Variants in ZNF133 observed in about 807,000 individuals in gnomAD.
ZNF133 encodes zinc finger protein 133, also known as zinc finger protein 133 (clone pHZ-13).
Under a neutral mutation model 54.9 loss-of-function variants are expected in ZNF133, and 26 were observed. That is an observed-to-expected ratio of 0.47 (90% CI 0.35 to 0.66). The LOEUF is 0.66. Ranked by LOEUF, ZNF133 falls within the 30% of genes least tolerant of loss-of-function variation. ZNF133 has a pLI of 0.01. For synonymous variants in ZNF133, 298 were observed against 320.3 expected (o/e 0.93, Z 0.74); for missense variants, 653 against 820.8 (o/e 0.80, Z 2.50).
chr20:18,297,645 G>A (rs997700137), intron 1 of ZNF133, among the ~76,000 whole-genome samples: 1 of 151,950 alleles, frequency 6.6e-6, no homozygotes, highest in Non-Finnish European at 1.5e-5. Context: ...TCAGATTCTA[G>A]TGTTTTTGAG....
chr20:18,299,142 G>A (rs1467797676), intron 3 of ZNF133, among the ~76,000 whole-genome samples: 1 of 152,128 alleles, frequency 6.6e-6, no homozygotes, highest in Non-Finnish European at 1.5e-5. Context: ...GCCAGATAGT[G>A]TACTTACTAA....
Position 18,316,485 on chromosome 20 carries a change from C to G in ZNF133, c.1634C>G (p.Ser545Trp), listed in dbSNP as rs779258189. 2 of 1,614,184 alleles carry G rather than the reference C, an allele frequency of 1.2e-6. No individual in the cohort carries two copies. The highest frequency in any genetic ancestry group is 1.1e-5 in the South Asian group (1 of 91,084). Residue 545 changes from serine (S) to tryptophan (W), a missense_variant, in exon 7 of 7, where the codon TCG (serine) becomes TGG (tryptophan). Coordinates refer to ENST00000425686, the MANE Select transcript of ZNF133 (RefSeq NM_001352452.2). ...AGLIRHKRKH[S>W]REKPYMCRQC... is the part of the protein sequence containing the mutation. ...CTCATCAGGCACAAGCGGAAGCACT[C>G]GAGGGAGAAGCCCTACATGTGCAGG...
chr20:18,315,570 A>T lies in ZNF133; in HGVS notation c.719A>T (p.Lys240Met). 1 of 1,614,164 alleles carries T rather than the reference A, an allele frequency of 6.2e-7. No individual in the cohort carries two copies. Among genetic ancestry groups the T allele is most frequent in the Non-Finnish European group, 8.5e-7 (1 of 1,180,010 alleles). Residue 240 changes from lysine to methionine, a missense_variant, in exon 7 of 7, where the codon AAG becomes ATG. Lys to Met is a moderately conservative substitution (Grantham distance 95). Coordinates refer to ENST00000425686, the MANE Select transcript of ZNF133 (RefSeq NM_001352452.2). ...LSHQRIHSGE[K>M]PYVCGVCEKG... ...CACCAGCGGATACACTCAGGGGAGA[A>T]GCCCTACGTGTGTGGGGTATGTGAG...
chr20:18,292,139 AC>A (rs2041191379), intron 1 of ZNF133, among the ~76,000 whole-genome samples: 1 of 152,294 alleles, frequency 6.6e-6, no homozygotes, highest in Middle Eastern at 3.4e-3. Context: ...GGTCCAGGCC[AC>A]CGTCTCATCT....
chr20:18,315,208 T>G lies in ZNF133; in HGVS notation c.357T>G (p.Pro119=). The G allele has an allele frequency of 6.2e-7, 1 of 1,613,944 alleles. No homozygotes were observed. Among genetic ancestry groups the G allele is most frequent in the Non-Finnish European group, 8.5e-7 (1 of 1,179,940 alleles). The change falls in exon 7 of 7, where the codon CCT becomes CCG. Residue 119 remains proline (P), a synonymous_variant. Coordinates refer to ENST00000425686, the MANE Select transcript of ZNF133 (RefSeq NM_001352452.2). ...TGTGTGCAGAAGGTAACATCCAGCC[T>G]GGGGATCCGGGCCCAGGGGACCAGG... ...TCLCAEGNIQ[P]GDPGPGDQEK... is the part of the protein sequence containing the mutation.
intron 6 of ZNF133, chr20:18,306,807 A>G (rs1268729435): frequency 1.4e-6 from 1 of 721,778 alleles, no homozygotes; most frequent in Admixed American, 6.2e-5. Context: ...ATGGAATTCT[A>G]AAAAAAACTG....
At chr20:18,310,238 A>G in intron 6 of ZNF133, 1 of 1,527,814 alleles carries the variant, frequency 6.5e-7, no homozygotes, top group Non-Finnish European at 8.7e-7. Flanking sequence ...GGAGCAAGTC[A>G]TTGTGGTTGC....
intron 1 of ZNF133, among the ~76,000 whole-genome samples, chr20:18,290,516 T>G (rs2040702474): frequency 6.6e-6 from 1 of 152,202 alleles, no homozygotes. Flanking sequence ...TGTTATACAG[T>G]TACATTGTTA....
At chr20:18,303,707 A>G (rs2043929077) in intron 3 of ZNF133, among the ~76,000 whole-genome samples, 1 of 152,218 alleles carries the variant, frequency 6.6e-6, no homozygotes, top group East Asian at 1.9e-4. Context: ...GACTATACTC[A>G]ACAAACGCTA....
intron 3 of ZNF133, among the ~76,000 whole-genome samples, chr20:18,302,662 C>T (rs371603989): frequency 5.3e-5 from 8 of 152,180 alleles, no homozygotes; most frequent in African/African-American, 1.9e-4. Flanking sequence ...CCACTTATAG[C>T]CAACAGAGTA....
chr20:18,316,518 G>A lies in ZNF133; in HGVS notation c.1667G>A (p.Gly556Glu), dbSNP rs1034941240. The part of the protein sequence containing the change: ...REKPYMCRQC[G>E]LGFGNKSALI... The stretch of plus-strand genomic sequence containing the variant: ...AAGCCCTACATGTGCAGGCAGTGTG[G>A]ACTGGGCTTTGGCAATAAGTCAGCT... Residue 556 changes from glycine (G) to glutamate (E), a missense_variant, in exon 7 of 7, where the codon GGA (glycine) becomes GAA (glutamate). Gly to Glu is a moderately conservative substitution (Grantham distance 98). This residue lies in a region of ZNF133 where 129 missense variants were observed against 138.5 expected (regional missense o/e 0.93). Transcript: ENST00000425686. The A allele has an allele frequency of 5.0e-6, 8 of 1,613,946 alleles. No individual in the cohort carries two copies. The highest frequency in any genetic ancestry group is 6.8e-6 in the Non-Finnish European group (8 of 1,179,914).
chr20:18,310,860 A>G (rs1011152352), intron 6 of ZNF133, among the ~76,000 whole-genome samples: 5 of 152,232 alleles, frequency 3.3e-5, no homozygotes, highest in Non-Finnish European at 5.9e-5. Flanking sequence ...AATGTACACA[A>G]TGAATATATA....
chr20:18,310,348 G>A, intron 6 of ZNF133: 2 of 1,512,858 alleles, frequency 1.3e-6, no homozygotes, highest in Non-Finnish European at 1.8e-6. Context: ...CTATATTTGG[G>A]ACTTGGATTT....
At position 18,314,960 on chromosome 20, in the gene ZNF133, G is replaced by T. The variant is rs921621420; in HGVS notation, c.218-109G>T. On this transcript the variant is annotated intron_variant, in intron 6 of 6. Transcript: ENST00000425686. ...AGGCCATGTAAAGGAAGTCCCGGTT[G>T]GATGGCACTTAAGGCCTAAGTGTTT... 21 of 1,073,282 alleles carry T rather than the reference G, an allele frequency of 2.0e-5. No individual in the cohort carries two copies. The African/African-American group carries it at 2.4e-4, about 12-fold the overall frequency. The allele number at this position is 1,073,282 out of a possible 1,614,324, so 66.5% of individuals were successfully genotyped here.
chr20:18,315,921 G>A lies in ZNF133; in HGVS notation c.1070G>A (p.Ser357Asn), dbSNP rs780967468. Residue 357 changes from serine to asparagine, a missense_variant, in exon 7 of 7, where the codon AGT becomes AAT. Physicochemically the swap from Ser to Asn is conservative, Grantham distance 46. This residue lies in a region of ZNF133 where 292 missense variants were observed against 431.6 expected (regional missense o/e 0.68). Transcript: ENST00000425686. ...THLEEKTIVCSDCGLGFSDRS... is the reference protein window; with the variant it reads ...THLEEKTIVCNDCGLGFSDRS... ...TTGGAGGAGAAGACCATCGTGTGCA[G>A]TGACTGTGGCCTGGGCTTCAGCGAC... 1.1e-5 allele frequency: 17 copies of A among 1,613,994 alleles called. No individual in the cohort carries two copies. The highest frequency in any genetic ancestry group is 1.4e-5 in the Non-Finnish European group (17 of 1,180,022).
chr20:18,291,829 C>T (rs908130289), intron 1 of ZNF133, among the ~76,000 whole-genome samples: 2 of 152,064 alleles, frequency 1.3e-5, no homozygotes, highest in Non-Finnish European at 2.9e-5. Context: ...TCTCATGCCT[C>T]AGCCTCCTGA....
chr20:18,307,685 T>C (rs6081092), intron 6 of ZNF133, among the ~76,000 whole-genome samples: 41,507 of 152,074 alleles, frequency 0.27, 6,512 homozygotes, highest in Non-Finnish European at 0.35. Context: ...CCTTTCCATA[T>C]TTTTAAATCT....
At chr20:18,313,642 C>T (rs2046635635) in intron 6 of ZNF133, 1 of 152,256 alleles carries the variant, frequency 6.6e-6, no homozygotes, top group Non-Finnish European at 1.5e-5. Flanking sequence ...AATCTGACAA[C>T]TCCACCCAAC....
At chr20:18,302,054 A>G (rs185999289) in intron 3 of ZNF133, among the ~76,000 whole-genome samples, 87 of 152,326 alleles carry the variant, frequency 5.7e-4, no homozygotes, top group Non-Finnish European at 1.2e-4. Flanking sequence ...ATTATACACC[A>G]TGACCAAGTG....
Sources: allele counts gnomAD v4.1 joint callset (sites outside exome capture counted in the v4.1 genomes callset), GRCh38; gene constraint gnomAD v4.1.1; regional missense constraint gnomAD v4.1.1; transcripts MANE v1.5; gene names NCBI Gene and HGNC (gene_info 2026-07-23, HGNC 2026-07-21).